Variants in BCR observed in about 807,000 individuals in gnomAD.
The protein encoded by BCR is breakpoint cluster region protein.
A neutral mutation model predicts 138.6 loss-of-function variants in BCR; 58 were observed. The ratio of observed to expected loss-of-function variants is 0.42; its 90% confidence interval spans 0.34 to 0.52. The LOEUF is 0.52. Ranked by LOEUF, BCR falls within the 20% of genes least tolerant of loss-of-function variation. The pLI is 0.06. For synonymous variants in BCR, 786 were observed against 730.1 expected (o/e 1.08, Z -1.23); for missense variants, 1,599 against 1,727.2 (o/e 0.93, Z 1.32).
At chr22:23,220,433 A>G (rs187893946) in intron 1 of BCR, among the ~76,000 whole-genome samples, 3 of 152,250 alleles carry the variant, frequency 2.0e-5, no homozygotes, top group African/African-American at 7.2e-5. Flanking sequence ...TTCAGTGGCT[A>G]TAACTGTCTT....
chr22:23,312,381 C>G (rs973743201), intron 19 of BCR: 1 of 181,080 alleles, frequency 5.5e-6, no homozygotes, highest in Non-Finnish European at 1.2e-5. Context: ...GACCAGGACC[C>G]CTAGAATGCC....
intron 12 of BCR, among the ~76,000 whole-genome samples, chr22:23,288,519 C>T (rs1448556185): frequency 6.6e-6 from 1 of 152,052 alleles, no homozygotes; most frequent in African/African-American, 2.4e-5. Context: ...CACCGCACCC[C>T]CGGCCTGCCC....
intron 1 of BCR, among the ~76,000 whole-genome samples, chr22:23,240,194 A>G (rs555678719): frequency 2.0e-5 from 3 of 152,256 alleles, no homozygotes; most frequent in East Asian, 1.9e-4. Context: ...CTATTTTCAA[A>G]TAAGTTTAGA....
chr22:23,290,626 C>T (rs549773510), intron 14 of BCR: 80 of 557,514 alleles, frequency 1.4e-4, no homozygotes, highest in African/African-American at 1.4e-3. Flanking sequence ...CTCCCCTAGC[C>T]TGTCTCAGAT....
chr22:23,286,715 G>A (rs1049466644), intron 10 of BCR, among the ~76,000 whole-genome samples: 3 of 152,140 alleles, frequency 2.0e-5, no homozygotes, highest in East Asian at 3.9e-4. Context: ...TTCTGTTGAC[G>A]GTCGTCTGGT....
At chr22:23,244,267 T>C (rs1602057513) in intron 1 of BCR, among the ~76,000 whole-genome samples, 1 of 152,146 alleles carries the variant, frequency 6.6e-6, no homozygotes, top group East Asian at 1.9e-4. Flanking sequence ...AATTGGACAA[T>C]CTAGGGTGAT....
chr22:23,306,064 T>G (rs548419647), intron 16 of BCR: 2 of 152,358 alleles, frequency 1.3e-5, no homozygotes, highest in South Asian at 4.1e-4. Flanking sequence ...TTTATACGGC[T>G]TCCGCTCTGC....
Position 23,285,708 on chromosome 22 carries a change from A to G in BCR, c.2406+507A>G, listed in dbSNP as rs565569332. 2.6e-5 allele frequency among the ~76,000 whole-genome samples: 4 copies of G among 152,318 alleles called. 1 individual carries two copies. The highest frequency in any genetic ancestry group is 9.6e-5 in the African/African-American group (4 of 41,568). ...AGTTTTTCGGAAACACAGCACCACA[A>G]TAGGAAACAAGTTCAGAGATTTTAC... On this transcript the variant is annotated intron_variant, in intron 10 of 22. Transcript: ENST00000305877.
chr22:23,201,151 G>A (rs1007822382), intron 1 of BCR, among the ~76,000 whole-genome samples: 8 of 152,242 alleles, frequency 5.3e-5, no homozygotes, highest in African/African-American at 1.4e-4. Context: ...ACACACGTGC[G>A]CAGCTGGTCT....
intron 16 of BCR, chr22:23,307,820 T>A (rs2073966498): frequency 7.6e-6 from 1 of 130,928 alleles, no homozygotes; most frequent in African/African-American, 3.1e-5. Flanking sequence ...GCTGAGCAGG[T>A]GCAGGGAGGG....
chr22:23,280,618 A>T (rs1555882494), intron 8 of BCR, among the ~76,000 whole-genome samples: 1 of 152,232 alleles, frequency 6.6e-6, no homozygotes, highest in Non-Finnish European at 1.5e-5. Context: ...CAGAGGCTCC[A>T]AGAAATGGAG....
chr22:23,266,862 C>T (rs1017451855), intron 4 of BCR, among the ~76,000 whole-genome samples: 3 of 152,194 alleles, frequency 2.0e-5, no homozygotes, highest in African/African-American at 4.8e-5. Context: ...TAGAACTTTG[C>T]ACAAGCCACC....
intron 1 of BCR, among the ~76,000 whole-genome samples, chr22:23,197,754 T>C (rs1045964177): frequency 1.8e-4 from 27 of 152,120 alleles, no homozygotes; most frequent in African/African-American, 6.5e-4. Flanking sequence ...GAAGGTGAGT[T>C]TGGCAAAAGT....
chr22:23,291,643 CT>C (rs2073788715), intron 14 of BCR, among the ~76,000 whole-genome samples: 1 of 152,122 alleles, frequency 6.6e-6, no homozygotes, highest in Non-Finnish European at 1.5e-5. Context: ...CTTTCTATCT[CT>C]TCCTTGCCCC....
intron 2 of BCR, among the ~76,000 whole-genome samples, chr22:23,254,958 C>T (rs572495575): frequency 1.3e-5 from 2 of 152,182 alleles, no homozygotes; most frequent in South Asian, 4.1e-4. Flanking sequence ...AGTCCAGGAG[C>T]TCGAGACTGC....
intron 4 of BCR, among the ~76,000 whole-genome samples, chr22:23,266,497 C>A (rs557890647): frequency 6.6e-6 from 1 of 152,240 alleles, no homozygotes; most frequent in South Asian, 2.1e-4. Flanking sequence ...TCAAGCGATT[C>A]TCCTGTCTCA....
chr22:23,190,733 G>T (rs1470373275), intron 1 of BCR, among the ~76,000 whole-genome samples: 1 of 152,070 alleles, frequency 6.6e-6, no homozygotes, highest in Non-Finnish European at 1.5e-5. Flanking sequence ...CGTGTTAGGA[G>T]GAGTGTGAGC....
At chr22:23,194,379 G>A (rs927592759) in intron 1 of BCR, among the ~76,000 whole-genome samples, 2 of 151,602 alleles carry the variant, frequency 1.3e-5, no homozygotes, top group Non-Finnish European at 2.9e-5. Context: ...AGGCTGAGGT[G>A]GGTGGGTCTC....
chr22:23,203,036 T>C (rs1568931413), intron 1 of BCR, among the ~76,000 whole-genome samples: 2 of 152,118 alleles, frequency 1.3e-5, no homozygotes, highest in African/African-American at 4.8e-5. Flanking sequence ...GTTTTTTTTC[T>C]TTTTGTAGAG....
Sources: allele counts gnomAD v4.1 joint callset (sites outside exome capture counted in the v4.1 genomes callset), GRCh38; gene constraint gnomAD v4.1.1; transcripts MANE v1.5; gene names NCBI Gene and HGNC (gene_info 2026-07-23, HGNC 2026-07-21).